The following DYRK1B variants were observed in gnomAD, a reference collection of about 807,000 sequenced individuals.
DYRK1B encodes the protein dual specificity tyrosine phosphorylation regulated kinase 1B, also known as dual specificity tyrosine-phosphorylation-regulated kinase 1B.
In DYRK1B, 20 loss-of-function variants were observed where a neutral mutation model predicts 57.1. That is an observed-to-expected ratio of 0.35 (90% confidence interval 0.25 to 0.51). The LOEUF is 0.51. Ranked by LOEUF, DYRK1B falls within the 20% of genes least tolerant of loss-of-function variation. The pLI is 0.96. For missense variants in DYRK1B, 732 were observed against 886.3 expected, an observed-to-expected ratio of 0.83 and a Z score of 2.21; for synonymous variants, 409 against 384.7, an observed-to-expected ratio of 1.06 and a Z score of -0.74.
In DYRK1B at chr19:39,828,417, G is replaced by A. The variant is rs1968639766; in HGVS notation, c.687C>T (p.Ala229=). The A allele has an allele frequency of 6.2e-7, 1 of 1,613,920 alleles. No individual in the cohort carries two copies. The highest frequency in any genetic ancestry group is 1.3e-5 in the African/African-American group (1 of 74,938). ...AGTGAATGATGCTGAGCTCAGGCGT[G>A]GCCAGAAAGAGCAGTGCCGTGCAGA... ...QQLCTALLFL[A]TPELSIIHCD... Residue 229 remains alanine (A), a synonymous_variant, in exon 6 of 11, where the codon GCC becomes GCT. Transcript: ENST00000323039. The surrounding 1 kb of genome is among the most constrained non-coding windows in gnomAD (Gnocchi z 4.3).
intron 2 of DYRK1B, 56 bp downstream of exon 2, chr19:39,831,745 CCTTT>C (rs995435746): frequency 5.3e-5 from 82 of 1,545,394 alleles, no homozygotes; most frequent in Admixed American, 4.1e-4. Context: ...GGTCTGGAGA[CCTTT>C]CTATCCCCAG....
intron 1 of DYRK1B, chr19:39,833,040 A>C: frequency 2.0e-6 from 2 of 985,302 alleles, no homozygotes; most frequent in Non-Finnish European, 2.4e-6. Flanking sequence ...AGGGCCTCAA[A>C]GTCAAATCCC....
Position 39,826,641 on chromosome 19 carries a change from T to C in DYRK1B, c.1411+31A>G, listed in dbSNP as rs749994500. ...GCCAAACCTGAGCAGCCCCCACCCG[T>C]TGTACCCCATTTGGGCACCTGGGCA... On this transcript the variant is annotated intron_variant, in intron 9 of 10. Transcript: ENST00000323039. This position sits in a 1 kb window ranked among gnomAD's most constrained non-coding sequence, Gnocchi z 6.3. The C allele has an allele frequency of 5.8e-6, 9 of 1,558,154 alleles. No individual in the cohort carries two copies. The highest frequency in any genetic ancestry group is 2.4e-5 in the East Asian group (1 of 42,438).
chr19:39,833,352 G>A (rs1968916229), intron 1 of DYRK1B: 2 of 985,442 alleles, frequency 2.0e-6, no homozygotes, highest in African/African-American at 1.7e-5. Context: ...GCATGGCGGC[G>A]GTGGCGGCGC....
intron 5 of DYRK1B, 152 bp downstream of exon 5, chr19:39,829,728 G>A (rs934208428): frequency 3.6e-6 from 3 of 827,996 alleles, no homozygotes; most frequent in Non-Finnish European, 5.4e-6. Flanking sequence ...AAAAGCAGCA[G>A]GAGAATCACT....
chr19:39,825,674 G>A lies in DYRK1B; in HGVS notation c.*41C>T, dbSNP rs1347310632. 22 of 1,531,872 alleles carry A rather than the reference G, an allele frequency of 1.4e-5. No homozygotes were observed. Among genetic ancestry groups the A allele is most frequent in the Non-Finnish European group, 1.5e-5 (17 of 1,139,378 alleles). The allele number at this position is 1,531,872 out of a possible 1,614,324, so 94.9% of individuals were successfully genotyped here. ...GGGAGCCCAGGGCCCCCAGATGGGG[G>A]AGGGTATGGCTTCAGGAGGGGCCCC... On this transcript the variant is annotated 3_prime_UTR_variant, in exon 11 of 11. Coordinates refer to ENST00000323039, the MANE Select transcript of DYRK1B (RefSeq NM_004714.3).
intron 2 of DYRK1B, 119 bp from the exon 3 acceptor site, chr19:39,830,902 C>T (rs1968782407): frequency 4.0e-6 from 5 of 1,264,248 alleles, no homozygotes; most frequent in Non-Finnish European, 5.3e-6. Context: ...ATTTGTTCCA[C>T]CTGTCTAGGA....
At chr19:39,833,336 C>G in intron 1 of DYRK1B, 2 of 985,576 alleles carry the variant, frequency 2.0e-6, no homozygotes, top group Non-Finnish European at 2.4e-6. Flanking sequence ...GGTGGGCGAG[C>G]GGCCAGCATG....
Position 39,825,951 on chromosome 19 carries a change from G to T in DYRK1B, c.1654C>A (p.Pro552Thr). The T allele has an allele frequency of 6.5e-7, 1 of 1,530,228 alleles. No individual in the cohort carries two copies. 94.8% of individuals were successfully genotyped at this position (1,530,228 alleles called of 1,614,324 possible). The change falls in exon 11 of 11, where the codon CCC (proline) becomes ACC (threonine). Residue 552 changes from proline (P) to threonine (T), a missense_variant. Coordinates refer to ENST00000323039, the MANE Select transcript of DYRK1B (RefSeq NM_004714.3). Reference protein sequence around the residue: ...LPPQPRYLGRPPSPTSPPPPE... With the variant: ...LPPQPRYLGRTPSPTSPPPPE... Reference sequence around the variant, plus strand: ...GGTGGTGGTGAGGTTGGTGATGGGGGACGACCAAGGTATCGGGGCTGGGGG... The same window carrying T: ...GGTGGTGGTGAGGTTGGTGATGGGGTACGACCAAGGTATCGGGGCTGGGGG...
chr19:39,826,901 C>T lies in DYRK1B; in HGVS notation c.1182G>A (p.Pro394=), dbSNP rs989813783. The change falls in exon 9 of 11, where the codon CCG becomes CCA. Residue 394 remains proline, a synonymous_variant. Transcript: ENST00000323039. This position sits in a 1 kb window ranked among gnomAD's most constrained non-coding sequence, Gnocchi z 6.3. Reference sequence around the variant, plus strand: ...GGAGGTAGTCGGCGGGGCTGTGGCCCGGCTCCCCCGCCCGCCGGCCCCCGG... The same window carrying T: ...GGAGGTAGTCGGCGGGGCTGTGGCCTGGCTCCCCCGCCCGCCGGCCCCCGG... ...GGPGGRRAGE[P]GHSPADYLRF... The T allele has an allele frequency of 9.2e-5, 131 of 1,417,202 alleles. No individual in the cohort carries two copies. Among genetic ancestry groups the T allele is most frequent in the Non-Finnish European group, 1.1e-4 (123 of 1,095,672 alleles). The allele number at this position is 1,417,202 out of a possible 1,614,324, so 87.8% of individuals were successfully genotyped here. A position where few individuals can be genotyped will look rare whatever the true frequency, so the allele number is the denominator to read the frequency against.
At chr19:39,830,812 G>C in intron 2 of DYRK1B, 29 bp from the exon 3 acceptor site, 1 of 1,593,356 alleles carries the variant, frequency 6.3e-7, no homozygotes, top group Non-Finnish European at 8.6e-7. Flanking sequence ...GGTGGGCACT[G>C]AGGACGTGCC....
At chr19:39,832,376 C>T (rs75378558) in intron 1 of DYRK1B, among the ~76,000 whole-genome samples, 12,770 of 152,108 alleles carry the variant, frequency 0.084, 619 homozygotes, top group Non-Finnish European at 0.1. Flanking sequence ...TGGCCCTCCC[C>T]AGGGCCCCTA....
intron 5 of DYRK1B, 55 bp downstream of exon 5, chr19:39,829,825 G>A: frequency 3.1e-6 from 5 of 1,594,794 alleles, no homozygotes; most frequent in South Asian, 1.1e-5. Context: ...CATCCCTACT[G>A]GCTCCAGCTC....
In DYRK1B at chr19:39,826,952, C is replaced by T; in HGVS notation, c.1131G>A (p.Glu377=). 1.4e-6 allele frequency: 2 copies of T among 1,463,722 alleles called. No homozygotes were observed. Among genetic ancestry groups the T allele is most frequent in the Non-Finnish European group, 1.8e-6 (2 of 1,117,756 alleles). The allele number at this position is 1,463,722 out of a possible 1,614,324, so 90.7% of individuals were successfully genotyped here. A position where few individuals can be genotyped will look rare whatever the true frequency, so the allele number is the denominator to read the frequency against. ...GCCCGCCCGTCTGCACGCCCAGCACCTCCTGCAGCCGCCGTGTCCCGGGGC... is the reference window on the plus strand; with the variant it reads ...GCCCGCCCGTCTGCACGCCCAGCACTTCCTGCAGCCGCCGTGTCCCGGGGC... The part of the protein sequence containing the change: ...YQGPGTRRLQ[E]VLGVQTGGPG... The change falls in exon 9 of 11, where the codon GAG becomes GAA. Residue 377 remains glutamate, a synonymous_variant. Transcript: ENST00000323039. This position sits in a 1 kb window ranked among gnomAD's most constrained non-coding sequence, Gnocchi z 6.3.
At chr19:39,832,811 A>G (rs1465109547) in intron 1 of DYRK1B, among the ~76,000 whole-genome samples, 1 of 151,934 alleles carries the variant, frequency 6.6e-6, no homozygotes, top group East Asian at 1.9e-4. Context: ...GTTCTTCCCC[A>G]TATTACTCCA....
At chr19:39,827,174 G>C (rs1968579857) in intron 8 of DYRK1B, 111 bp downstream of exon 8, 8 of 1,392,176 alleles carry the variant, frequency 5.7e-6, no homozygotes, top group Non-Finnish European at 4.9e-6. Flanking sequence ...GACAGACAAG[G>C]GGGAGTGGAA....
chr19:39,831,774 C>T (rs1231883619), intron 2 of DYRK1B, 31 bp downstream of exon 2: 1 of 1,549,148 alleles, frequency 6.5e-7, no homozygotes, highest in African/African-American at 1.4e-5. Context: ...CCCCTACCAC[C>T]ACGCAGGTGA....
chr19:39,826,416 G>T lies in DYRK1B; in HGVS notation c.1412-130C>A. ...GCTTCAAGAGCAGAGCCCATCTGAA[G>T]CACCGGGCCCAATTCTGAGATTCTG... On this transcript the variant is annotated intron_variant, in intron 9 of 10. Coordinates refer to ENST00000323039, the MANE Select transcript of DYRK1B (RefSeq NM_004714.3). The surrounding 1 kb of genome is among the most constrained non-coding windows in gnomAD (Gnocchi z 6.3). 1 of 861,458 alleles carries T rather than the reference G, an allele frequency of 1.2e-6. No individual in the cohort carries two copies. Among genetic ancestry groups the T allele is most frequent in the Non-Finnish European group, 1.7e-6 (1 of 585,080 alleles). The allele number at this position is 861,458 out of a possible 1,614,324, so 53.4% of individuals were successfully genotyped here. A position where few individuals can be genotyped will look rare whatever the true frequency, so the allele number is the denominator to read the frequency against.
chr19:39,830,125 T>C, intron 4 of DYRK1B, 98 bp from the exon 5 acceptor site: 3 of 1,473,292 alleles, frequency 2.0e-6, no homozygotes, highest in Non-Finnish European at 1.8e-6. Context: ...CCAAGAACAC[T>C]ATGCATACTT....
Sources: gnomAD v4.1 joint callset for allele counts (sites outside exome capture counted in the v4.1 genomes callset) on GRCh38, gnomAD v4.1.1 for gene constraint, Gnocchi (gnomAD v3.1) non-coding constraint, MANE v1.5 for transcripts, NCBI Gene and HGNC (gene_info 2026-07-23, HGNC 2026-07-21) for gene names.